ARHGEF37: variants seen among roughly 807,000 people sequenced by gnomAD.
ARHGEF37 encodes the protein Rho guanine nucleotide exchange factor 37, also known as Rho guanine nucleotide exchange factor (GEF) 37.
In ARHGEF37, 55 loss-of-function variants were observed where a neutral mutation model predicts 71.1. That is an observed-to-expected ratio of 0.77 (90% CI 0.62 to 0.97). The LOEUF is 0.97. Among genes scored for constraint, ARHGEF37 ranks in the 50% least tolerant of loss-of-function variants. The pLI is 0.00. For synonymous variants in ARHGEF37, 327 were observed against 350.6 expected, an observed-to-expected ratio of 0.93 and a Z score of 0.75; for missense variants, 765 against 836.8, an observed-to-expected ratio of 0.91 and a Z score of 1.06.
In ARHGEF37 at chr5:149,633,891, G is replaced by T. The variant is rs1014934237; in HGVS notation, c.*1700G>T. ...GCCCTACGGTTCCTTTCTCAGCAGC[G>T]AATTCACTTGAGAGGATGCTCTTGA... On this transcript the variant is annotated 3_prime_UTR_variant, in exon 13 of 13. Coordinates refer to ENST00000333677, the MANE Select transcript of ARHGEF37 (RefSeq NM_001001669.3). 1 of 152,164 alleles carries T rather than the reference G, an allele frequency of 6.6e-6. No homozygotes were observed. Among genetic ancestry groups the T allele is most frequent in the Non-Finnish European group, 1.5e-5 (1 of 68,042 alleles). The allele number at this position is 152,164 out of a possible 1,614,324, so 9.4% of individuals were successfully genotyped here.
chr5:149,611,155 G>A (rs1384340668), intron 4 of ARHGEF37, among the ~76,000 whole-genome samples: 1 of 152,194 alleles, frequency 6.6e-6, no homozygotes, highest in African/African-American at 2.4e-5. Context: ...GCATCTAGAG[G>A]TCTTAGCTGG....
chr5:149,560,948 C>T (rs184574391), intron 1 of ARHGEF37, among the ~76,000 whole-genome samples: 6 of 151,980 alleles, frequency 3.9e-5, no homozygotes, highest in Non-Finnish European at 8.8e-5. Flanking sequence ...ATTCTCTAAC[C>T]GCAAAACATA....
At chr5:149,559,376 G>T (rs1762799784) in intron 1 of ARHGEF37, among the ~76,000 whole-genome samples, 1 of 152,166 alleles carries the variant, frequency 6.6e-6, no homozygotes, top group Non-Finnish European at 1.5e-5. Context: ...TTTGAGATCT[G>T]TGTTTTTCAT....
rs1402336481 is a variant in ARHGEF37, at chr5:149,632,195, A to T, written c.*4A>T. 1 of 1,613,584 alleles carries T rather than the reference A, an allele frequency of 6.2e-7. No homozygotes were observed. Among genetic ancestry groups the T allele is most frequent in the Non-Finnish European group, 8.5e-7 (1 of 1,179,750 alleles). On this transcript the variant is annotated 3_prime_UTR_variant, in exon 13 of 13. Transcript: ENST00000333677. ...GGGCTGGAGTCTGCCCTCTTAGGGT[A>T]CCCTCTTTGGAGCCTACATTGCCAA...
In ARHGEF37 at chr5:149,569,217, C is replaced by T. The variant is rs185405724; in HGVS notation, c.-12+17094C>T. Reference sequence around the variant, plus strand: ...TATATACATTCTTCTACGTGACTTTCTGTGGGCACATGTTTTCATTTATTT... The same window carrying T: ...TATATACATTCTTCTACGTGACTTTTTGTGGGCACATGTTTTCATTTATTT... On this transcript the variant is annotated intron_variant, in intron 1 of 2. Transcript: ENST00000505810. 1.9e-3 allele frequency among the ~76,000 whole-genome samples: 290 copies of T among 152,172 alleles called. 1 individual carries two copies. The highest frequency in any genetic ancestry group is 6.5e-3 in the African/African-American group (272 of 41,564).
At chr5:149,598,262 A>ACTC (rs768788363) in intron 2 of ARHGEF37, among the ~76,000 whole-genome samples, 2,463 of 113,918 alleles carry the variant, frequency 0.022, 70 homozygotes, top group South Asian at 0.035. Context: ...GCTTAAACTG[A>ACTC]CTCTTCTTCT....
At chr5:149,566,923 A>G (rs888971882) in intron 1 of ARHGEF37, among the ~76,000 whole-genome samples, 22 of 152,212 alleles carry the variant, frequency 1.4e-4, no homozygotes, top group African/African-American at 4.8e-4. Flanking sequence ...ATATTTCCCA[A>G]TAACAAGACG....
chr5:149,564,760 G>A (rs1762879722), intron 1 of ARHGEF37, among the ~76,000 whole-genome samples: 3 of 152,118 alleles, frequency 2.0e-5, no homozygotes, highest in African/African-American at 7.2e-5. Context: ...GGAGGCGGAG[G>A]TTGCCGTGAA....
chr5:149,609,559 C>T lies in ARHGEF37; in HGVS notation c.322C>T (p.Leu108=), dbSNP rs2400891. 822,808 of 1,613,318 alleles carry T rather than the reference C, an allele frequency of 0.51. 216,524 individuals carry two copies. Among genetic ancestry groups the T allele is most frequent in the Non-Finnish European group, 0.55 (643,278 of 1,179,586 alleles). The change falls in exon 4 of 13, where the codon CTG becomes TTG. Residue 108 remains leucine, a synonymous_variant. Transcript: ENST00000333677. ...GTCTTCACTCTCAGGTAACATATTT[C>T]TGGAATTCCAAGAGGAGTTGGAGCA... is the stretch of plus-strand genomic sequence containing the variant. ...EQVQLVGNIF[L]EFQEELEQVY...
intron 1 of ARHGEF37, among the ~76,000 whole-genome samples, chr5:149,569,295 T>A (rs1762935072): frequency 6.6e-6 from 1 of 151,468 alleles, no homozygotes; most frequent in Non-Finnish European, 1.5e-5. Context: ...GAAGTTTCTG[T>A]TTATTTTTAT....
chr5:149,618,795 A>T, intron 6 of ARHGEF37, 143 bp from the exon 7 acceptor site: 11 of 703,018 alleles, frequency 1.6e-5, no homozygotes, highest in Non-Finnish European at 2.1e-5. Flanking sequence ...GAGCTACACC[A>T]CCCTCTCAGC....
intron 10 of ARHGEF37, among the ~76,000 whole-genome samples, chr5:149,625,252 G>T (rs565293567): frequency 6.6e-6 from 1 of 152,226 alleles, no homozygotes; most frequent in South Asian, 2.1e-4. Context: ...ATAAGGAGAG[G>T]TTATCTGTTC....
At chr5:149,630,130 C>A (rs187850464) in intron 12 of ARHGEF37, among the ~76,000 whole-genome samples, 34 of 152,182 alleles carry the variant, frequency 2.2e-4, no homozygotes, top group African/African-American at 7.2e-5. Context: ...CATGTGTCTG[C>A]AAATATACTA....
intron 1 of ARHGEF37, among the ~76,000 whole-genome samples, chr5:149,573,072 C>CA (rs1470374478): frequency 9.2e-5 from 14 of 152,120 alleles, no homozygotes; most frequent in African/African-American, 3.4e-4. Context: ...AGAGAAAACC[C>CA]AAGGGGCATC....
At chr5:149,618,588 T>G (rs1752444603) in intron 6 of ARHGEF37, among the ~76,000 whole-genome samples, 2 of 152,218 alleles carry the variant, frequency 1.3e-5, no homozygotes, top group Admixed American at 6.5e-5. Context: ...TAGCTACTTC[T>G]AGCAGCACAG....
intron 10 of ARHGEF37, among the ~76,000 whole-genome samples, chr5:149,626,253 C>T (rs909663432): frequency 4.9e-5 from 7 of 141,858 alleles, no homozygotes; most frequent in African/African-American, 2.0e-4. Context: ...CACACACACA[C>T]ACACACACAC....
At chr5:149,575,441 G>A (rs140799770) in intron 1 of ARHGEF37, among the ~76,000 whole-genome samples, 1 of 152,256 alleles carries the variant, frequency 6.6e-6, no homozygotes, top group Non-Finnish European at 1.5e-5. Context: ...ATGGCTCTAT[G>A]CTCAGGGGAC....
At chr5:149,582,691 G>T (rs866539293) in intron 1 of ARHGEF37, among the ~76,000 whole-genome samples, 21 of 152,038 alleles carry the variant, frequency 1.4e-4, no homozygotes, top group South Asian at 1.0e-3. Context: ...TTAAAGTGAT[G>T]GATATCCCAA....
At chr5:149,604,557 G>A (rs1177706195) in intron 3 of ARHGEF37, among the ~76,000 whole-genome samples, 1 of 151,868 alleles carries the variant, frequency 6.6e-6, no homozygotes, top group Non-Finnish European at 1.5e-5. Flanking sequence ...CTTCTCCTCA[G>A]TGCAACTGTG....
Sources: gnomAD v4.1 joint callset for allele counts (sites outside exome capture counted in the v4.1 genomes callset) on GRCh38, gnomAD v4.1.1 for gene constraint, MANE v1.5 for transcripts, NCBI Gene and HGNC (gene_info 2026-07-23, HGNC 2026-07-21) for gene names.